Variants in CDH18 observed in about 807,000 individuals in gnomAD.
CDH18 encodes the protein cadherin-18.
In CDH18, 31 loss-of-function variants were observed where a neutral mutation model predicts 67.9. The ratio of observed to expected loss-of-function variants is 0.46; its 90% CI spans 0.34 to 0.62. The LOEUF (loss-of-function observed/expected upper bound fraction) is 0.62, where lower values mean the gene tolerates loss of function less well. CDH18 is among the 20% of genes least tolerant of loss of function. The pLI is 0.01. For missense variants in CDH18, 890 were observed against 975.5 expected, an observed-to-expected ratio of 0.91 and a Z score of 1.17; for synonymous variants, 362 against 347.2, an observed-to-expected ratio of 1.04 and a Z score of -0.48.
Position 19,472,247 on chromosome 5 carries a change from G to A in CDH18, c.*979C>T, listed in dbSNP as rs1056836554. 1.4e-4 allele frequency among the ~76,000 whole-genome samples: 22 copies of A among 151,942 alleles called. No individual in the cohort carries two copies. The highest frequency in any genetic ancestry group is 3.9e-4 in the Admixed American group (6 of 15,226). ...AGGTACTTATTTTTAATTACTGCTC[G>A]TGTTGAAAATAAGTGAATTAGACTG... On this transcript the variant is annotated 3_prime_UTR_variant, in exon 13 of 13. Coordinates refer to ENST00000382275, the MANE Select transcript of CDH18 (RefSeq NM_004934.5).
intron 3 of CDH18, among the ~76,000 whole-genome samples, chr5:19,781,739 A>G (rs1775138651): frequency 6.6e-6 from 1 of 152,176 alleles, no homozygotes; most frequent in Non-Finnish European, 1.5e-5. Context: ...GAGTCCAGAG[A>G]GAATTTCAGG....
intron 9 of CDH18, among the ~76,000 whole-genome samples, chr5:19,533,266 G>A (rs1748924863): frequency 6.6e-6 from 1 of 152,184 alleles, no homozygotes; most frequent in Non-Finnish European, 1.5e-5. Flanking sequence ...TGAAAGAGTT[G>A]TTAATCGTAT....
chr5:19,478,263 T>C (rs527984184), intron 12 of CDH18, among the ~76,000 whole-genome samples: 1 of 152,296 alleles, frequency 6.6e-6, no homozygotes, highest in South Asian at 2.1e-4. Flanking sequence ...CCTCCCTAAG[T>C]AGCTTGCATA....
chr5:19,823,414 G>A (rs1780082354), intron 3 of CDH18, among the ~76,000 whole-genome samples: 1 of 152,170 alleles, frequency 6.6e-6, no homozygotes, highest in African/African-American at 2.4e-5. Context: ...GTATTAATTT[G>A]GGAAACTAAC....
chr5:19,497,731 C>T (rs1742585205), intron 11 of CDH18, among the ~76,000 whole-genome samples: 2 of 152,134 alleles, frequency 1.3e-5, no homozygotes. Flanking sequence ...TAATTCTAGG[C>T]ATAAACACTG....
intron 5 of CDH18, among the ~76,000 whole-genome samples, chr5:19,673,155 C>T (rs1758985675): frequency 1.3e-5 from 2 of 151,976 alleles, no homozygotes; most frequent in Non-Finnish European, 1.5e-5. Context: ...TGTCTTTACA[C>T]CATGCTTTAT....
intron 8 of CDH18, among the ~76,000 whole-genome samples, chr5:19,548,520 A>G (rs976775728): frequency 1.3e-5 from 2 of 152,054 alleles, no homozygotes; most frequent in Non-Finnish European, 2.9e-5. Flanking sequence ...GTAAGAGGTA[A>G]GAAAATCTAA....
At chr5:19,956,451 A>T (rs1796266173) in intron 2 of CDH18, among the ~76,000 whole-genome samples, 1 of 151,934 alleles carries the variant, frequency 6.6e-6, no homozygotes, top group Non-Finnish European at 1.5e-5. Flanking sequence ...TTAGTGTTAA[A>T]TATATTGATT....
rs115182086 is a variant in CDH18, at chr5:19,682,192, A to G, written c.643+39155T>C. On this transcript the variant is annotated intron_variant, in intron 5 of 12. Coordinates refer to ENST00000382275, the MANE Select transcript of CDH18 (RefSeq NM_004934.5). ...TTCTTTGACAGCTGCTCCCTCTTCA[A>G]TTCTGCCAACAGGCACACTAGAGGG... Among the ~76,000 whole-genome samples, 1,330 of 152,146 alleles carry G rather than the reference A, an allele frequency of 8.7e-3. 22 individuals carry two copies. The highest frequency in any genetic ancestry group is 0.03 in the African/African-American group (1,265 of 41,526).
chr5:20,157,568 A>AT (rs1445855574), intron 2 of CDH18, among the ~76,000 whole-genome samples: 2 of 151,742 alleles, frequency 1.3e-5, no homozygotes, highest in Admixed American at 6.6e-5. Flanking sequence ...TAATAATTAC[A>AT]TTTTTAAGTG....
In CDH18 at chr5:20,503,419, T is replaced by A. The variant is rs527423485; in HGVS notation, c.-580+72043A>T. Among the ~76,000 whole-genome samples, 91 of 152,302 alleles carry A rather than the reference T, an allele frequency of 6.0e-4. 2 individuals carry two copies. Among genetic ancestry groups the A allele is most frequent in the African/African-American group, 2.2e-3 (90 of 41,570 alleles). On this transcript the variant is annotated intron_variant, in intron 1 of 14. Coordinates refer to the CDH18 transcript ENST00000507958. ...TATATTTACAGATCAATAAAATTAA[T>A]GAAAAATCATAGAATTAATCCCTAT...
chr5:19,750,293 T>C (rs75579282), intron 3 of CDH18, among the ~76,000 whole-genome samples: 139 of 152,206 alleles, frequency 9.1e-4, no homozygotes, highest in East Asian at 2.5e-3. Flanking sequence ...AATATACACT[T>C]TGCAACAGGA....
intron 1 of CDH18, among the ~76,000 whole-genome samples, chr5:20,352,597 G>T (rs923657521): frequency 2.0e-5 from 3 of 147,458 alleles, no homozygotes; most frequent in Non-Finnish European, 4.4e-5. Flanking sequence ...TGGCTGAAAC[G>T]GTGAAACCCC....
At chr5:20,402,767 G>A (rs1012806087) in intron 1 of CDH18, among the ~76,000 whole-genome samples, 2 of 152,034 alleles carry the variant, frequency 1.3e-5, no homozygotes, top group African/African-American at 2.4e-5. Flanking sequence ...AAGTTTGGGG[G>A]TGGCTGTGCA....
rs143158666 is a variant in CDH18, at chr5:20,437,435, T to C, written c.-580+138027A>G. Reference sequence around the variant, plus strand: ...TGATCTAAGAGAGAAAGTTACTAGATGAATAATTTATGCCTAGAGTAATTA... The same window carrying C: ...TGATCTAAGAGAGAAAGTTACTAGACGAATAATTTATGCCTAGAGTAATTA... On this transcript the variant is annotated intron_variant, in intron 1 of 14. Transcript: ENST00000507958. 7.2e-3 allele frequency among the ~76,000 whole-genome samples: 1,098 copies of C among 151,532 alleles called. 32 individuals are homozygous for C. Among genetic ancestry groups the C allele is most frequent in the African/African-American group, 0.025 (1,039 of 41,254 alleles).
chr5:20,533,311 A>G (rs563405610), intron 1 of CDH18, among the ~76,000 whole-genome samples: 3 of 152,054 alleles, frequency 2.0e-5, no homozygotes, highest in Non-Finnish European at 4.4e-5. Context: ...GTACATTTCT[A>G]TTGTTTAATG....
intron 10 of CDH18, among the ~76,000 whole-genome samples, chr5:19,509,183 C>A (rs887182546): frequency 5.3e-5 from 8 of 152,042 alleles, no homozygotes; most frequent in Non-Finnish European, 1.2e-4. Context: ...ATGTTCTTAA[C>A]TCAGAAATAG....
At chr5:20,351,076 C>T (rs949551755) in intron 1 of CDH18, among the ~76,000 whole-genome samples, 6 of 151,876 alleles carry the variant, frequency 4.0e-5, no homozygotes, top group African/African-American at 1.5e-4. Context: ...TTTAAAATTG[C>T]ACCTCCCAGC....
intron 2 of CDH18, among the ~76,000 whole-genome samples, chr5:20,029,737 A>G (rs548350885): frequency 1.3e-5 from 2 of 152,348 alleles, no homozygotes; most frequent in African/African-American, 4.8e-5. Context: ...ATTCCAAAAC[A>G]TGATAAAATG....
Sources: gnomAD v4.1 joint callset for allele counts (sites outside exome capture counted in the v4.1 genomes callset) on GRCh38, gnomAD v4.1.1 for gene constraint, MANE v1.5 for transcripts, NCBI Gene and HGNC (gene_info 2026-07-23, HGNC 2026-07-21) for gene names.